TRPC4AP: variants seen among roughly 807,000 people sequenced by gnomAD.
TRPC4AP encodes short transient receptor potential channel 4-associated protein.
A neutral mutation model predicts 99.0 loss-of-function variants in TRPC4AP; 45 were observed. That is an observed-to-expected ratio of 0.45 (90% confidence interval 0.36 to 0.58). The LOEUF (loss-of-function observed/expected upper bound fraction) is 0.58, where lower values mean the gene tolerates loss of function less well. Ranked by LOEUF, TRPC4AP falls within the 20% of genes least tolerant of loss-of-function variation. The pLI is 0.00. For synonymous variants in TRPC4AP, 408 were observed against 385.8 expected (o/e 1.06, Z -0.67); for missense variants, 879 against 985.3 (o/e 0.89, Z 1.44).
At chr20:35,052,663 TG>T (rs2083732918) in intron 5 of TRPC4AP, among the ~76,000 whole-genome samples, 1 of 152,004 alleles carries the variant, frequency 6.6e-6, no homozygotes, top group South Asian at 2.1e-4. Context: ...GGCTAATTTT[TG>T]TGTTTTTAGT....
At chr20:35,038,096 T>C (rs2083363087) in intron 7 of TRPC4AP, among the ~76,000 whole-genome samples, 1 of 150,440 alleles carries the variant, frequency 6.6e-6, no homozygotes, top group Non-Finnish European at 1.5e-5. Context: ...AGCTGCTTAA[T>C]GTGTACGGCG....
At chr20:35,059,727 GGAAGAAGACTACGACGAAGAA>G (rs2083933290) in intron 3 of TRPC4AP, among the ~76,000 whole-genome samples, 1 of 149,252 alleles carries the variant, frequency 6.7e-6, no homozygotes. Context: ...AAGAAGAAGA[GGAAGAAGACTACGACGAAGAA>G]GAAGAAGACG....
At chr20:35,034,808 A>C (rs942621004) in intron 8 of TRPC4AP, among the ~76,000 whole-genome samples, 4 of 152,130 alleles carry the variant, frequency 2.6e-5, no homozygotes, top group African/African-American at 9.7e-5. Context: ...TGTAGAAAGA[A>C]AAAGAGACGA....
At chr20:35,089,242 T>G in intron 1 of TRPC4AP, among the ~76,000 whole-genome samples, 1 of 152,026 alleles carries the variant, frequency 6.6e-6, no homozygotes, top group East Asian at 1.9e-4. Context: ...ATGTATATAG[T>G]TTGAGGCAGG....
intron 1 of TRPC4AP, among the ~76,000 whole-genome samples, chr20:35,083,482 G>A (rs1027926927): frequency 2.0e-5 from 3 of 151,482 alleles, no homozygotes; most frequent in Non-Finnish European, 2.9e-5. Context: ...GATGGTGGGC[G>A]CCTGTAATCC....
At chr20:35,011,122 TG>T (rs1247642443) in intron 11 of TRPC4AP, among the ~76,000 whole-genome samples, 1 of 151,970 alleles carries the variant, frequency 6.6e-6, no homozygotes, top group African/African-American at 2.4e-5. Context: ...TAGCTGGGCG[TG>T]GTGGCACACG....
intron 1 of TRPC4AP, among the ~76,000 whole-genome samples, chr20:35,081,420 A>G (rs2084642243): frequency 6.6e-6 from 1 of 151,996 alleles, no homozygotes; most frequent in African/African-American, 2.4e-5. Flanking sequence ...TAGCTGAGGC[A>G]GGAGGATCCC....
intron 1 of TRPC4AP, among the ~76,000 whole-genome samples, chr20:35,086,357 G>A (rs2084846824): frequency 6.6e-6 from 1 of 151,688 alleles, no homozygotes; most frequent in South Asian, 2.1e-4. Flanking sequence ...CTTTAATGGG[G>A]TATGATTCAG....
chr20:35,091,236 T>A (rs757033850), intron 1 of TRPC4AP, among the ~76,000 whole-genome samples: 4 of 151,962 alleles, frequency 2.6e-5, no homozygotes, highest in Non-Finnish European at 5.9e-5. Context: ...GCGATCTGCC[T>A]GCCTCGGCCT....
intron 3 of TRPC4AP, among the ~76,000 whole-genome samples, chr20:35,058,146 C>T (rs1335952823): frequency 1.3e-5 from 2 of 152,074 alleles, no homozygotes; most frequent in African/African-American, 4.8e-5. Context: ...ATGTACCTAA[C>T]AATAGAGCCC....
Position 35,092,624 on chromosome 20 carries a change from C to T in TRPC4AP, c.158G>A (p.Arg53Gln), listed in dbSNP as rs779777585. ...GGTCCAGCCTCGTACCTGCACCGCCCGGACCAGGCCCCGGCCGGTCAGCTG... is the reference window on the plus strand; with the variant it reads ...GGTCCAGCCTCGTACCTGCACCGCCTGGACCAGGCCCCGGCCGGTCAGCTG... Reference protein sequence around the residue: ...QGQLTGRGLVRAVQFTETFLT... With the variant: ...QGQLTGRGLVQAVQFTETFLT... Residue 53 changes from arginine (R) to glutamine (Q), a missense_variant, in exon 1 of 19, where the codon CGG (arginine) becomes CAG (glutamine). By Grantham distance (43) the Arg-to-Gln change is conservative (BLOSUM62 1). Coordinates refer to ENST00000252015, the MANE Select transcript of TRPC4AP (RefSeq NM_015638.3). 3 of 1,512,554 alleles carry T rather than the reference C, an allele frequency of 2.0e-6. No homozygotes were observed. Among genetic ancestry groups the T allele is most frequent in the Non-Finnish European group, 2.6e-6 (3 of 1,138,268 alleles). 93.7% of individuals were successfully genotyped at this position (1,512,554 alleles called of 1,614,324 possible). A position where few individuals can be genotyped will look rare whatever the true frequency, so the allele number is the denominator to read the frequency against.
At chr20:35,038,428 G>C (rs1466101166) in intron 7 of TRPC4AP, among the ~76,000 whole-genome samples, 1 of 151,752 alleles carries the variant, frequency 6.6e-6, no homozygotes, top group East Asian at 1.9e-4. Context: ...TCCATTAATG[G>C]GGGACTAATT....
rs767494227 is a variant in TRPC4AP, at chr20:35,092,721, T to C, written c.61A>G (p.Thr21Ala). Residue 21 changes from threonine (T) to alanine (A), a missense_variant, in exon 1 of 19, where the codon ACA (threonine) becomes GCA (alanine). This residue lies in a region of TRPC4AP where 603 missense variants were observed against 631.8 expected (regional missense o/e 0.95). Coordinates refer to ENST00000252015, the MANE Select transcript of TRPC4AP (RefSeq NM_015638.3). ...GAGRGRRSAA[T>A]VAAWGGWGGR... ...CCCCATCCGCCCCAAGCCGCCACTG[T>C]GGCTGCCGACCGTCTCCCTCGGCCG... 5.8e-6 allele frequency: 9 copies of C among 1,559,186 alleles called. No homozygotes were observed. Among genetic ancestry groups the C allele is most frequent in the South Asian group, 1.2e-5 (1 of 86,740 alleles).
intron 3 of TRPC4AP, among the ~76,000 whole-genome samples, chr20:35,061,402 A>T (rs1261992966): frequency 1.3e-5 from 2 of 152,212 alleles, no homozygotes; most frequent in Non-Finnish European, 2.9e-5. Context: ...AGATGATAAT[A>T]CTCCCTAAAT....
At chr20:35,080,480 G>A (rs754274784) in intron 1 of TRPC4AP, among the ~76,000 whole-genome samples, 1 of 134,178 alleles carries the variant, frequency 7.5e-6, no homozygotes, top group Non-Finnish European at 1.5e-5. Context: ...CAGCCTGGGC[G>A]ATAAAGCCAG....
chr20:35,030,042 G>C (rs1434282546), intron 8 of TRPC4AP, among the ~76,000 whole-genome samples: 1 of 149,502 alleles, frequency 6.7e-6, no homozygotes, highest in African/African-American at 2.4e-5. Context: ...AGGAGATCGA[G>C]ACCAGCCTGA....
At chr20:35,071,141 CTAAGTT>C (rs764221948) in intron 2 of TRPC4AP, among the ~76,000 whole-genome samples, 1 of 152,068 alleles carries the variant, frequency 6.6e-6, no homozygotes. Flanking sequence ...AACGTAAAGA[CTAAGTT>C]TAATTAGTTT....
chr20:35,036,960 A>AACAC (rs34177220), intron 7 of TRPC4AP, among the ~76,000 whole-genome samples: 2 of 149,586 alleles, frequency 1.3e-5, no homozygotes, highest in South Asian at 2.1e-4. Flanking sequence ...TGCGCACACA[A>AACAC]ACACACACAC....
intron 14 of TRPC4AP, among the ~76,000 whole-genome samples, chr20:35,007,141 G>C (rs1259604976): frequency 6.6e-6 from 1 of 152,128 alleles, no homozygotes; most frequent in Admixed American, 6.5e-5. Context: ...TTTCCACATG[G>C]ATTTTATAAT....
Sources: gnomAD v4.1 joint callset for allele counts (sites outside exome capture counted in the v4.1 genomes callset) on GRCh38, gnomAD v4.1.1 for gene constraint, gnomAD v4.1.1 regional missense constraint, MANE v1.5 for transcripts, NCBI Gene and HGNC (gene_info 2026-07-23, HGNC 2026-07-21) for gene names.